The following GRIP1 variants were observed in gnomAD, a reference collection of about 807,000 sequenced individuals.
GRIP1 encodes the protein glutamate receptor-interacting protein 1.
Under a neutral mutation model 129.9 loss-of-function variants are expected in GRIP1, and 45 were observed. The observed-to-expected ratio is 0.35, with a 90% CI of 0.27 to 0.44. The LOEUF is 0.44. Ranked by LOEUF, GRIP1 falls within the 20% of genes least tolerant of loss-of-function variation. GRIP1 has a pLI of 1.00. For synonymous variants in GRIP1, 530 were observed against 520.8 expected, an observed-to-expected ratio of 1.02 and a Z score of -0.24; for missense variants, 1,196 against 1,396.8, an observed-to-expected ratio of 0.86 and a Z score of 2.29.
chr12:66,369,064 C>T (rs773090929), intron 23 of GRIP1, among the ~76,000 whole-genome samples: 2 of 152,184 alleles, frequency 1.3e-5, no homozygotes, highest in Non-Finnish European at 2.9e-5. Context: ...GTCTAGGACA[C>T]CACTTATTTT....
chr12:66,486,402 C>T (rs2059956028), intron 7 of GRIP1, among the ~76,000 whole-genome samples: 1 of 152,114 alleles, frequency 6.6e-6, no homozygotes, highest in Admixed American at 6.6e-5. Context: ...TATGGTTTGG[C>T]TCTGTGTCCC....
At chr12:66,407,403 CT>C (rs2057232399) in intron 15 of GRIP1, 1 of 152,192 alleles carries the variant, frequency 6.6e-6, no homozygotes, top group Non-Finnish European at 1.5e-5. Context: ...ATCACAGTAC[CT>C]GGTTTTAACT....
intron 2 of GRIP1, among the ~76,000 whole-genome samples, chr12:66,589,633 T>G (rs1413493914): frequency 1.3e-5 from 2 of 152,182 alleles, no homozygotes; most frequent in Non-Finnish European, 2.9e-5. Context: ...AAAAATATGA[T>G]TAGCATATAA....
intron 1 of GRIP1, among the ~76,000 whole-genome samples, chr12:66,989,177 C>A: frequency 6.6e-6 from 1 of 152,192 alleles, no homozygotes; most frequent in Middle Eastern, 3.2e-3. Flanking sequence ...AGGAAATTTC[C>A]AACCAAAGTT....
At chr12:66,847,314 C>T (rs895679577) in intron 1 of GRIP1, among the ~76,000 whole-genome samples, 1 of 152,116 alleles carries the variant, frequency 6.6e-6, no homozygotes, top group Non-Finnish European at 1.5e-5. Context: ...ATGATCTGGT[C>T]CCTTCCTACT....
intron 1 of GRIP1, among the ~76,000 whole-genome samples, chr12:66,812,051 C>T (rs2039114343): frequency 6.6e-6 from 1 of 152,142 alleles, no homozygotes; most frequent in African/African-American, 2.4e-5. Context: ...TATTTTAAAG[C>T]ACTTGTGAGT....
chr12:66,825,677 A>C (rs1407229820), intron 1 of GRIP1, among the ~76,000 whole-genome samples: 1 of 152,170 alleles, frequency 6.6e-6, no homozygotes, highest in African/African-American at 2.4e-5. Flanking sequence ...GCACCTAACA[A>C]ATGTCAGCTT....
intron 1 of GRIP1, among the ~76,000 whole-genome samples, chr12:66,919,216 C>A (rs1424938066): frequency 6.6e-6 from 1 of 152,186 alleles, no homozygotes; most frequent in East Asian, 1.9e-4. Flanking sequence ...GACCCAAGAA[C>A]TAGGAACACA....
At chr12:66,723,179 T>A (rs2036112504) in intron 1 of GRIP1, among the ~76,000 whole-genome samples, 1 of 150,324 alleles carries the variant, frequency 6.7e-6, no homozygotes, top group Non-Finnish European at 1.5e-5. Context: ...ATGGGAATCT[T>A]CCACCTAGGG....
At chr12:66,841,792 C>G (rs943187591) in intron 1 of GRIP1, among the ~76,000 whole-genome samples, 1 of 152,190 alleles carries the variant, frequency 6.6e-6, no homozygotes, top group Non-Finnish European at 1.5e-5. Context: ...ACGGGGGCAT[C>G]TTGGGGTAAA....
At chr12:66,419,949 T>C (rs937317925) in intron 15 of GRIP1, among the ~76,000 whole-genome samples, 1 of 152,052 alleles carries the variant, frequency 6.6e-6, no homozygotes, top group Non-Finnish European at 1.5e-5. Flanking sequence ...ATACAAAACT[T>C]AGCCGGGCAT....
At chr12:66,955,724 C>T (rs1246779911) in intron 1 of GRIP1, among the ~76,000 whole-genome samples, 1 of 152,038 alleles carries the variant, frequency 6.6e-6, no homozygotes, top group Non-Finnish European at 1.5e-5. Context: ...CCAGGTTGGT[C>T]TTGAACTCCT....
chr12:66,952,042 C>T (rs934884067), intron 1 of GRIP1, among the ~76,000 whole-genome samples: 5 of 151,818 alleles, frequency 3.3e-5, no homozygotes, highest in Non-Finnish European at 7.4e-5. Context: ...TAGATTGAGG[C>T]ATAAACAAGA....
chr12:66,485,249 G>A (rs1565790063), intron 7 of GRIP1, among the ~76,000 whole-genome samples: 1 of 152,116 alleles, frequency 6.6e-6, no homozygotes, highest in Non-Finnish European at 1.5e-5. Flanking sequence ...GTATCACACT[G>A]TGTTTTCAAT....
intron 2 of GRIP1, among the ~76,000 whole-genome samples, chr12:66,578,964 G>T (rs567390085): frequency 1.3e-5 from 2 of 152,302 alleles, no homozygotes; most frequent in South Asian, 2.1e-4. Context: ...CCTCAAGTGG[G>T]TCCCTGACCC....
chr12:66,703,092 T>C (rs2035406355), intron 1 of GRIP1, among the ~76,000 whole-genome samples: 1 of 152,064 alleles, frequency 6.6e-6, no homozygotes, highest in African/African-American at 2.4e-5. Context: ...AGAGGAGATC[T>C]AATAGCCGGG....
At chr12:66,530,114 T>C (rs1418778918) in intron 4 of GRIP1, among the ~76,000 whole-genome samples, 200 bp from the exon 5 acceptor site, 1 of 152,208 alleles carries the variant, frequency 6.6e-6, no homozygotes, top group Admixed American at 6.5e-5. Flanking sequence ...TATAAGTGAC[T>C]CATATAGATA....
intron 11 of GRIP1, among the ~76,000 whole-genome samples, chr12:66,446,951 A>C (rs946688622): frequency 2.6e-5 from 4 of 152,126 alleles, no homozygotes; most frequent in African/African-American, 9.7e-5. Context: ...CCTCTTTATG[A>C]CTTTCAGTCC....
intron 1 of GRIP1, among the ~76,000 whole-genome samples, chr12:66,597,776 A>G (rs2064112957): frequency 6.6e-6 from 1 of 152,086 alleles, no homozygotes; most frequent in Non-Finnish European, 1.5e-5. Context: ...TAACCTTGAA[A>G]AGGATTTTAT....
Sources: allele counts gnomAD v4.1 joint callset (sites outside exome capture counted in the v4.1 genomes callset), GRCh38; gene constraint gnomAD v4.1.1; transcripts MANE v1.5; gene names NCBI Gene and HGNC (gene_info 2026-07-23, HGNC 2026-07-21).